The following ITGB1BP1 variants were observed in gnomAD, a reference collection of about 807,000 sequenced individuals.
ITGB1BP1 encodes integrin subunit beta 1 binding protein 1.
In ITGB1BP1, 20 loss-of-function variants were observed where a neutral mutation model predicts 28.0. That is an observed-to-expected ratio of 0.71 (90% CI 0.50 to 1.04). The LOEUF (loss-of-function observed/expected upper bound fraction) is 1.04, where lower values mean the gene tolerates loss of function less well. Ranked by LOEUF, ITGB1BP1 falls within the 50% of genes least tolerant of loss-of-function variation. ITGB1BP1 has a pLI of 0.00. For synonymous variants in ITGB1BP1, 103 were observed against 89.5 expected (o/e 1.15, Z -0.85); for missense variants, 228 against 242.5 (o/e 0.94, Z 0.40).
At position 9,412,331 on chromosome 2, in the gene ITGB1BP1, G is replaced by A. The variant is rs201349347; in HGVS notation, c.226C>T (p.Leu76Phe). The change falls in exon 4 of 7, where the codon CTC (leucine) becomes TTC (phenylalanine). Residue 76 changes from leucine to phenylalanine, a missense_variant. By Grantham distance (22) the Leu-to-Phe change is conservative. Around this residue, in one of 2 missense-constraint regions of ITGB1BP1, gnomAD observed 192 missense variants for 181.6 expected, o/e 1.06. Coordinates refer to ENST00000355346, the MANE Select transcript of ITGB1BP1 (RefSeq NM_004763.5). The part of the protein sequence containing the change: ...KYVGAIEKLK[L>F]SEGKGLEGPL... ...CCTTCAAGGCCTTTTCCCTCGGAGAGTTTCAGTTTCTCAATGGCACCAACA... is the reference window on the plus strand; with the variant it reads ...CCTTCAAGGCCTTTTCCCTCGGAGAATTTCAGTTTCTCAATGGCACCAACA... 1.9e-4 allele frequency: 304 copies of A among 1,611,884 alleles called. No homozygotes were observed. The highest frequency in any genetic ancestry group is 2.4e-4 in the Non-Finnish European group (285 of 1,178,424).
At chr2:9,407,890 T>G in intron 5 of ITGB1BP1, 2 of 521,106 alleles carry the variant, frequency 3.8e-6, no homozygotes. Context: ...ATCTGTGTGT[T>G]TGGGGGTGGG....
chr2:9,411,424 T>TA (rs1032428173), intron 4 of ITGB1BP1, among the ~76,000 whole-genome samples: 1 of 151,998 alleles, frequency 6.6e-6, no homozygotes, highest in Non-Finnish European at 1.5e-5. Flanking sequence ...ATCAGCCCCA[T>TA]AAAAAAGTAT....
chr2:9,422,420 C>A, intron 1 of ITGB1BP1: 2 of 985,626 alleles, frequency 2.0e-6, no homozygotes. Flanking sequence ...GCTCCACGCG[C>A]CCCTGCTTTG....
rs200781388 is a variant in ITGB1BP1, at chr2:9,421,686, C to CAA, written c.-36+1685_-36+1686dup. On this transcript the variant is annotated intron_variant, in intron 1 of 6. Transcript: ENST00000355346. Reference sequence around the variant, plus strand: ...TGGACGAAAGAGCGAGACTCCGTCTCAAAAAAAAAAAAAAAAAATTATTCA... The same window carrying CAA: ...TGGACGAAAGAGCGAGACTCCGTCTCAAAAAAAAAAAAAAAAAAAATTATTCA... 3.5e-3 allele frequency among the ~76,000 whole-genome samples: 279 copies of CAA among 78,776 alleles called. 1 individual carries two copies. Among genetic ancestry groups the CAA allele is most frequent in the African/African-American group, 0.01 (245 of 23,426 alleles). The allele number at this position is 78,776 out of a possible 152,430, so 51.7% of individuals were successfully genotyped here.
At chr2:9,407,664 A>G in intron 5 of ITGB1BP1, 66 bp from the exon 6 acceptor site, 1 of 1,567,984 alleles carries the variant, frequency 6.4e-7, no homozygotes, top group East Asian at 2.3e-5. Flanking sequence ...CTGATGACAC[A>G]CCCTCCCAGG....
chr2:9,407,019 AC>A, intron 6 of ITGB1BP1, 114 bp from the exon 7 acceptor site: 1 of 774,726 alleles, frequency 1.3e-6, no homozygotes. Context: ...AAGCAAGCCG[AC>A]CACACATGCC....
intron 4 of ITGB1BP1, among the ~76,000 whole-genome samples, chr2:9,409,593 G>T (rs564565659): frequency 6.6e-6 from 1 of 152,204 alleles, no homozygotes; most frequent in Admixed American, 6.5e-5. Context: ...GTTGCGGCTC[G>T]TTCTTGGAAC....
intron 2 of ITGB1BP1, among the ~76,000 whole-genome samples, chr2:9,418,380 C>T (rs893627462): frequency 4.6e-5 from 7 of 152,152 alleles, no homozygotes; most frequent in Non-Finnish European, 7.4e-5. Flanking sequence ...CTTATTTCAA[C>T]GAAACCATTC....
At chr2:9,407,701 C>G (rs1677719632) in intron 5 of ITGB1BP1, 103 bp from the exon 6 acceptor site, 1 of 1,315,708 alleles carries the variant, frequency 7.6e-7, no homozygotes, top group African/African-American at 1.5e-5. Context: ...ACAGCATATC[C>G]ATAGGTTTCT....
intron 6 of ITGB1BP1, 184 bp downstream of exon 6, chr2:9,407,265 C>A (rs1677589163): frequency 3.0e-6 from 2 of 660,932 alleles, no homozygotes; most frequent in Non-Finnish European, 2.6e-6. Context: ...CTGGCCCTAA[C>A]AAATATTTCA....
At chr2:9,411,321 G>A (rs1678346244) in intron 4 of ITGB1BP1, among the ~76,000 whole-genome samples, 1 of 152,186 alleles carries the variant, frequency 6.6e-6, no homozygotes, top group African/African-American at 2.4e-5. Context: ...TGGTCTGATG[G>A]TGGTACGGTA....
At chr2:9,413,002 G>GT (rs1678645555) in intron 3 of ITGB1BP1, among the ~76,000 whole-genome samples, 1 of 152,158 alleles carries the variant, frequency 6.6e-6, no homozygotes, top group Admixed American at 6.5e-5. Context: ...TTCTCTTAAC[G>GT]TAACAGCAAC....
chr2:9,422,167 C>T lies in ITGB1BP1; in HGVS notation c.-36+1206G>A, dbSNP rs187484573. Among the ~76,000 whole-genome samples the T allele has an allele frequency of 2.9e-3, 438 of 152,278 alleles. 2 individuals carry two copies. Among genetic ancestry groups the T allele is most frequent in the African/African-American group, 9.6e-3 (399 of 41,562 alleles). The stretch of plus-strand genomic sequence containing the variant: ...TGGATTCCCTAACACTTTAAATCTA[C>T]CCCCACACTGCAGCCAAAACGATTA... On this transcript the variant is annotated intron_variant, in intron 1 of 6. Coordinates refer to ENST00000355346, the MANE Select transcript of ITGB1BP1 (RefSeq NM_004763.5).
At chr2:9,414,391 GA>G in intron 2 of ITGB1BP1, 135 bp from the exon 3 acceptor site, 1 of 600,626 alleles carries the variant, frequency 1.7e-6, no homozygotes. Context: ...CAGGCATATC[GA>G]CTGTGCAGAT....
At position 9,405,491 on chromosome 2, in the gene ITGB1BP1, G is replaced by A. The variant is rs752480830; in HGVS notation, c.*1343C>T. On this transcript the variant is annotated 3_prime_UTR_variant, in exon 7 of 7. Coordinates refer to ENST00000355346, the MANE Select transcript of ITGB1BP1 (RefSeq NM_004763.5). ...TATGCAGCTTAGGATGCTATTTTGA[G>A]ATGTATGATATTCAGTTCATTCACC... 1.3e-5 allele frequency: 2 copies of A among 152,580 alleles called. No individual in the cohort carries two copies. Among genetic ancestry groups the A allele is most frequent in the Non-Finnish European group, 2.9e-5 (2 of 68,032 alleles). The allele number at this position is 152,580 out of a possible 1,614,324, so 9.5% of individuals were successfully genotyped here.
In ITGB1BP1 at chr2:9,406,791, G is replaced by C. The variant is rs1427636853; in HGVS notation, c.*43C>G. 2.3e-6 allele frequency: 3 copies of C among 1,328,784 alleles called. No individual in the cohort carries two copies. Among genetic ancestry groups the C allele is most frequent in the Non-Finnish European group, 3.3e-6 (3 of 919,514 alleles). 82.3% of individuals were successfully genotyped at this position (1,328,784 alleles called of 1,614,324 possible). On this transcript the variant is annotated 3_prime_UTR_variant, in exon 7 of 7. Transcript: ENST00000355346. Reference sequence around the variant, plus strand: ...ATTTCAGCATTGCAGTTTGAAAACAGCTGAACTTTCAGATGAAGTTGACTT... The same window carrying C: ...ATTTCAGCATTGCAGTTTGAAAACACCTGAACTTTCAGATGAAGTTGACTT...
chr2:9,422,333 C>T (rs144522038), intron 1 of ITGB1BP1: 278 of 901,710 alleles, frequency 3.1e-4, no homozygotes, highest in Admixed American at 6.8e-4. Flanking sequence ...AATCACCTTT[C>T]CACTTCCATC....
chr2:9,406,737 G>A lies in ITGB1BP1; in HGVS notation c.*97C>T, dbSNP rs1677437611. The A allele has an allele frequency of 4.7e-6, 4 of 848,642 alleles. No individual in the cohort carries two copies. The highest frequency in any genetic ancestry group is 8.1e-6 in the Non-Finnish European group (4 of 490,822). The allele number at this position is 848,642 out of a possible 1,614,324, so 52.6% of individuals were successfully genotyped here. A position where few individuals can be genotyped will look rare whatever the true frequency, so the allele number is the denominator to read the frequency against. ...ATCCATTTTCTTCAGAAAATCTAGA[G>A]CAAGGGATAACTTCATTATTTGCAT... On this transcript the variant is annotated 3_prime_UTR_variant, in exon 7 of 7. Transcript: ENST00000355346.
intron 1 of ITGB1BP1, 110 bp downstream of exon 1, chr2:9,423,263 G>A (rs1680130613): frequency 1.1e-5 from 13 of 1,168,492 alleles, no homozygotes; most frequent in East Asian, 9.9e-5. Flanking sequence ...TCCTCCGCCC[G>A]CCCCGCGGCC....
Sources: gnomAD v4.1 joint callset for allele counts (sites outside exome capture counted in the v4.1 genomes callset) on GRCh38, gnomAD v4.1.1 for gene constraint, gnomAD v4.1.1 regional missense constraint, MANE v1.5 for transcripts, NCBI Gene and HGNC (gene_info 2026-07-23, HGNC 2026-07-21) for gene names.